STK3: variants seen among roughly 807,000 people sequenced by gnomAD.
STK3 encodes serine/threonine-protein kinase 3.
STK3 carries 41 observed loss-of-function variants against 58.0 expected under a neutral mutation model. The observed-to-expected ratio is 0.71, with a 90% CI of 0.55 to 0.92. The LOEUF (loss-of-function observed/expected upper bound fraction) is 0.92, where lower values mean the gene tolerates loss of function less well. Among genes scored for constraint, STK3 ranks in the 40% least tolerant of loss-of-function variants. The probability of loss-of-function intolerance (pLI) is 0.00; values close to 1 mark genes in which losing one functional copy is unlikely to be tolerated. For missense variants in STK3, 479 were observed against 602.7 expected (o/e 0.79, Z 2.15); for synonymous variants, 170 against 191.0 (o/e 0.89, Z 0.91).
intron 3 of STK3, among the ~76,000 whole-genome samples, chr8:98,406,999 G>A (rs141858192): frequency 7.2e-4 from 110 of 152,270 alleles, no homozygotes; most frequent in Non-Finnish European, 1.5e-3. Context: ...ACATCTGCCT[G>A]CAGGCTATTG....
At chr8:98,487,885 GTTACTTAAT>G (rs1563655537) in intron 10 of STK3, among the ~76,000 whole-genome samples, 1 of 152,208 alleles carries the variant, frequency 6.6e-6, no homozygotes, top group Non-Finnish European at 1.5e-5. Context: ...CATGAGCCAA[GTTACTTAAT>G]TTAGATAATC....
chr8:98,899,221 A>C (rs867526877), intron 1 of STK3, among the ~76,000 whole-genome samples: 22 of 152,330 alleles, frequency 1.4e-4, no homozygotes, highest in African/African-American at 4.3e-4. Context: ...TTCATGGGGA[A>C]AGGAGCCTAG....
At chr8:98,470,958 A>G (rs1820874377) in intron 10 of STK3, among the ~76,000 whole-genome samples, 1 of 152,224 alleles carries the variant, frequency 6.6e-6, no homozygotes, top group Admixed American at 6.5e-5. Context: ...AGTACAACAG[A>G]ATAAAATTAA....
At chr8:98,879,142 G>A (rs1418407201), downstream of STK3, 1 of 152,092 alleles carries the variant, frequency 6.6e-6, no homozygotes, top group African/African-American at 2.4e-5. Context: ...AAATGGCATA[G>A]TATTTTCATA....
intron 4 of STK3, among the ~76,000 whole-genome samples, chr8:98,716,748 C>G (rs1217252861): frequency 6.6e-6 from 1 of 152,040 alleles, no homozygotes; most frequent in African/African-American, 2.4e-5. Flanking sequence ...AGCTAAAATT[C>G]TCATAGTTCC....
intron 1 of STK3, among the ~76,000 whole-genome samples, chr8:98,809,149 A>G (rs971581009): frequency 3.9e-5 from 6 of 152,316 alleles, no homozygotes; most frequent in African/African-American, 1.4e-4. Context: ...GTGCCTTTTC[A>G]TCTGTATATC....
At chr8:98,630,296 C>G (rs1303320885) in intron 6 of STK3, among the ~76,000 whole-genome samples, 1 of 152,078 alleles carries the variant, frequency 6.6e-6, no homozygotes, top group African/African-American at 2.4e-5. Context: ...AGTTCAGGAC[C>G]AAGCACCAAA....
intron 1 of STK3, among the ~76,000 whole-genome samples, chr8:98,893,482 GAAAGAGAAAGAAAGAAAGAAAGAA>G (rs1838309363): frequency 3.7e-4 from 21 of 56,462 alleles, no homozygotes; most frequent in Admixed American, 1.8e-3. Flanking sequence ...AAGAAAGAAA[GAAAGAGAAAGAAAGAAAGAAAGAA>G]AGAAAGAAAG....
rs367573379 is a variant in STK3 at position 98,904,367 on chromosome 8, A to C, written c.-78-20533T>G. ...CTTACCTAGGGCTGTTCAGAGGCTG[A>C]GAATATAAGGAACAGAGTAAAAAAG... On this transcript the variant is annotated intron_variant, in intron 1 of 1. Coordinates refer to the STK3 transcript ENST00000519420. Among the ~76,000 whole-genome samples, 4 of 152,206 alleles carry C rather than the reference A, an allele frequency of 2.6e-5. No homozygotes were observed. In the South Asian group the frequency reaches 8.3e-4, roughly 32 times the overall value.
At position 98,544,916 on chromosome 8, in the gene STK3, C is replaced by A. The variant is rs557759846; in HGVS notation, c.1141+3053G>T. 5.9e-4 allele frequency among the ~76,000 whole-genome samples: 90 copies of A among 152,194 alleles called. 1 individual carries two copies. Among genetic ancestry groups the A allele is most frequent in the African/African-American group, 2.1e-3 (89 of 41,536 alleles). ...CATAAGACATAGTTTCCCTCCAGGG[C>A]AACTAGTGCTACCAATCTAGCCACA... On this transcript the variant is annotated intron_variant, in intron 9 of 10. Transcript: ENST00000419617.
At chr8:98,715,419 C>T (rs9656843) in intron 4 of STK3, among the ~76,000 whole-genome samples, 12,225 of 151,532 alleles carry the variant, frequency 0.081, 542 homozygotes, top group South Asian at 0.1. Context: ...CTACAATGAA[C>T]TCAAACAAAT....
chr8:98,937,219 G>GC (rs1554705893), intron 1 of STK3, among the ~76,000 whole-genome samples: 1 of 152,172 alleles, frequency 6.6e-6, no homozygotes, highest in Admixed American at 6.5e-5. Context: ...AGAATGATTT[G>GC]TTTTTTCTCT....
intron 6 of STK3, among the ~76,000 whole-genome samples, chr8:98,655,015 C>A (rs567836047): frequency 6.6e-6 from 1 of 152,006 alleles, no homozygotes; most frequent in Non-Finnish European, 1.5e-5. Flanking sequence ...AAAAAAGAGC[C>A]CGCATTGCCA....
intron 1 of STK3, among the ~76,000 whole-genome samples, chr8:98,900,410 A>T (rs1838611706): frequency 6.6e-6 from 1 of 152,006 alleles, no homozygotes; most frequent in Admixed American, 6.6e-5. Context: ...ACATTTTTTT[A>T]AGAAGTCTAA....
At chr8:98,629,007 G>A (rs1407968990) in intron 6 of STK3, among the ~76,000 whole-genome samples, 1 of 152,082 alleles carries the variant, frequency 6.6e-6, no homozygotes, top group Non-Finnish European at 1.5e-5. Flanking sequence ...CAAGAGTAAA[G>A]GCCAAGTGAG....
intron 3 of STK3, chr8:98,413,930 G>A (rs912110226): frequency 2.2e-5 from 9 of 417,026 alleles, no homozygotes; most frequent in African/African-American, 1.6e-4. Flanking sequence ...ATTTGATTCT[G>A]TGTGTGGTAC....
rs1360509210 is a variant in STK3 at position 98,454,742 on chromosome 8, T to G, written c.*1100A>C. ...GGCCATATGTAGCTTAGGAAATGAC[T>G]GGTCCCAATGCAATCATATAAATGT... On this transcript the variant is annotated 3_prime_UTR_variant, in exon 11 of 11. Transcript: ENST00000419617. 2.0e-5 allele frequency: 3 copies of G among 152,600 alleles called. No homozygotes were observed. The highest frequency in any genetic ancestry group is 6.5e-5 in the Admixed American group (1 of 15,270). 9.5% of individuals were successfully genotyped at this position (152,600 alleles called of 1,614,324 possible).
chr8:98,761,479 T>C (rs186150324), intron 3 of STK3, among the ~76,000 whole-genome samples: 1 of 152,294 alleles, frequency 6.6e-6, no homozygotes, highest in Admixed American at 6.5e-5. Context: ...AAGAAAACCA[T>C]ATATAGCTAA....
intron 6 of STK3, among the ~76,000 whole-genome samples, chr8:98,668,834 C>T (rs992944322): frequency 1.2e-4 from 18 of 151,942 alleles, no homozygotes; most frequent in African/African-American, 4.4e-4. Flanking sequence ...TTCTCAGAGG[C>T]ACATCAAAAA....
Sources: gnomAD v4.1 joint callset for allele counts (sites outside exome capture counted in the v4.1 genomes callset) on GRCh38, gnomAD v4.1.1 for gene constraint, MANE v1.5 for transcripts, NCBI Gene and HGNC (gene_info 2026-07-23, HGNC 2026-07-21) for gene names.